The following POLB variants were observed in gnomAD, a reference collection of about 807,000 sequenced individuals.
POLB encodes DNA polymerase beta.
Under a neutral mutation model 52.7 loss-of-function variants are expected in POLB, and 37 were observed. The observed-to-expected ratio is 0.70, with a 90% CI of 0.54 to 0.92. The LOEUF (loss-of-function observed/expected upper bound fraction) is 0.92, where lower values mean the gene tolerates loss of function less well. POLB is among the 40% of genes least tolerant of loss of function. POLB has a pLI of 0.00. For missense variants in POLB, 313 were observed against 400.8 expected (o/e 0.78, Z 1.87); for synonymous variants, 138 against 131.3 (o/e 1.05, Z -0.35).
chr8:42,342,463 CTGTT>C lies in POLB; in HGVS notation c.120-2485_120-2482del, dbSNP rs1443247971. 3.6e-5 allele frequency: 43 copies of C among 1,202,152 alleles called. No individual in the cohort carries two copies. In the Middle Eastern group the frequency reaches 8.2e-4, roughly 23 times the overall value. The allele number at this position is 1,202,152 out of a possible 1,614,324, so 74.5% of individuals were successfully genotyped here. The stretch of plus-strand genomic sequence containing the variant: ...ATAAGCAATCTGACAATTGATATCT[CTGTT>C]TGTTATATGAACTATCATCCTCTAT... On this transcript the variant is annotated intron_variant, in intron 2 of 13. Coordinates refer to ENST00000265421, the MANE Select transcript of POLB (RefSeq NM_002690.3).
intron 2 of POLB, among the ~76,000 whole-genome samples, chr8:42,343,516 CAA>C (rs11405665): frequency 5.5e-5 from 8 of 144,598 alleles, no homozygotes; most frequent in Non-Finnish European, 1.1e-4. Flanking sequence ...GACTCCATCT[CAA>C]AAAAAAAGTA....
Position 42,344,973 on chromosome 8 carries a change from C to G in POLB, c.140C>G (p.Ala47Gly). ...NAYRKAASVI[A>G]KYPHKIKSGA... is the part of the protein sequence containing the mutation. ...TATAGAAAAGCAGCATCTGTTATAG[C>G]AAAATACCCACACAAAATAAAGAGT... Residue 47 changes from alanine to glycine, a missense_variant, in exon 3 of 14, where the codon GCA (alanine) becomes GGA (glycine). By Grantham distance (60) the Ala-to-Gly change is moderately conservative. Around this residue, in one of 3 missense-constraint regions of POLB, gnomAD observed 54 missense variants for 63.4 expected, o/e 0.85. Transcript: ENST00000265421. 1 of 1,606,140 alleles carries G rather than the reference C, an allele frequency of 6.2e-7. No homozygotes were observed. Among genetic ancestry groups the G allele is most frequent in the Non-Finnish European group, 8.5e-7 (1 of 1,172,884 alleles).
chr8:42,355,458 A>G lies in POLB; in HGVS notation c.371-58A>G, dbSNP rs1165150979. The G allele has an allele frequency of 9.4e-6, 9 of 956,146 alleles. No homozygotes were observed. In the East Asian group the frequency reaches 2.2e-4, roughly 23 times the overall value. The allele number at this position is 956,146 out of a possible 1,614,324, so 59.2% of individuals were successfully genotyped here. On this transcript the variant is annotated intron_variant, in intron 6 of 13. Coordinates refer to ENST00000265421, the MANE Select transcript of POLB (RefSeq NM_002690.3). ...TATAAAAAGGGTCATTGAGTTTAGC[A>G]TTTTCCCCCCAAAAAGCATTTAAAT...
chr8:42,362,809 T>C (rs1823785334), intron 11 of POLB, 111 bp downstream of exon 11: 3 of 622,742 alleles, frequency 4.8e-6, no homozygotes, highest in Non-Finnish European at 8.7e-6. Context: ...CCAAATAGAG[T>C]ATCCATGAGA....
chr8:42,366,647 G>GCTCTAAACCACCTGATATC (rs1221324683), intron 11 of POLB, among the ~76,000 whole-genome samples: 1 of 152,184 alleles, frequency 6.6e-6, no homozygotes, highest in East Asian at 1.9e-4. Context: ...AGACAGGTAA[G>GCTCTAAACCACCTGATATC]AGGTGGTTTG....
At chr8:42,365,837 C>T (rs1296090601) in intron 11 of POLB, among the ~76,000 whole-genome samples, 2 of 152,156 alleles carry the variant, frequency 1.3e-5, no homozygotes, top group South Asian at 2.1e-4. Flanking sequence ...TGGTGGCTCA[C>T]GCCTGTAATC....
At position 42,371,411 on chromosome 8, in the gene POLB, C is replaced by A. The variant is rs1824383672; in HGVS notation, c.914-152C>A. On this transcript the variant is annotated intron_variant, in intron 13 of 13. Coordinates refer to ENST00000265421, the MANE Select transcript of POLB (RefSeq NM_002690.3). ...TTGCTGGGATTACAGGCGTGAGCTA[C>A]CACATCCGCCGGTCTTTTTTTTTTT... 5 of 412,136 alleles carry A rather than the reference C, an allele frequency of 1.2e-5. No homozygotes were observed. In the Admixed American group the frequency reaches 2.0e-4, roughly 16 times the overall value. The allele number at this position is 412,136 out of a possible 1,614,324, so 25.5% of individuals were successfully genotyped here. A position where few individuals can be genotyped will look rare whatever the true frequency, so the allele number is the denominator to read the frequency against.
At chr8:42,359,915 A>G (rs1823569032) in intron 9 of POLB, among the ~76,000 whole-genome samples, 1 of 151,618 alleles carries the variant, frequency 6.6e-6, no homozygotes, top group South Asian at 2.1e-4. Context: ...AATAGTTTCC[A>G]TGGATGTCCA....
chr8:42,355,910 T>TA (rs1288805159), intron 7 of POLB, among the ~76,000 whole-genome samples: 2 of 152,160 alleles, frequency 1.3e-5, no homozygotes, highest in African/African-American at 4.8e-5. Context: ...AGGGTAAAGA[T>TA]ACAGAGAGGT....
intron 10 of POLB, among the ~76,000 whole-genome samples, chr8:42,362,097 C>G (rs532960857): frequency 6.6e-6 from 1 of 151,916 alleles, no homozygotes; most frequent in Non-Finnish European, 1.5e-5. Context: ...CCCGTCTCCA[C>G]TAAAAATACA....
chr8:42,361,537 C>G (rs1201629404), intron 10 of POLB, 172 bp downstream of exon 10: 2 of 599,442 alleles, frequency 3.3e-6, no homozygotes, highest in Non-Finnish European at 5.9e-6. Context: ...AAAAGGATAC[C>G]TATTATTCTT....
rs945340443 is a variant in POLB at position 42,344,947 on chromosome 8, T to C, written c.120-6T>C. ...AATTGGTTTTCCTTTTCTTCTTTCC[T>C]TATAGAAAAGCAGCATCTGTTATAG... On this transcript the variant is annotated splice_region_variant and splice_polypyrimidine_tract_variant and intron_variant, in intron 2 of 13. Transcript: ENST00000265421. 34 of 1,577,066 alleles carry C rather than the reference T, an allele frequency of 2.2e-5. No homozygotes were observed. The highest frequency in any genetic ancestry group is 2.7e-5 in the Non-Finnish European group (31 of 1,146,834).
At chr8:42,357,543 T>TTGTATTGTATAG in intron 9 of POLB, 151 bp downstream of exon 9, 7 of 516,894 alleles carry the variant, frequency 1.4e-5, no homozygotes, top group Non-Finnish European at 2.4e-5. Context: ...TGTTTATAGA[T>TTGTATTGTATAG]GGGAATATGT....
At chr8:42,357,457 G>C in intron 9 of POLB, 65 bp downstream of exon 9, 1 of 837,740 alleles carries the variant, frequency 1.2e-6, no homozygotes, top group Admixed American at 1.9e-5. Context: ...TATATGGGAA[G>C]AATTTGGATT....
At position 42,359,504 on chromosome 8, in the gene POLB, G is replaced by A. The variant is rs565430182; in HGVS notation, c.551-1791G>A. On this transcript the variant is annotated intron_variant, in intron 9 of 13. Coordinates refer to ENST00000265421, the MANE Select transcript of POLB (RefSeq NM_002690.3). ...AGAGTAGCTGGGACCACAGGCACGTGCCACCACACCCGGCTAATTTTTTTT... is the reference window on the plus strand; with the variant it reads ...AGAGTAGCTGGGACCACAGGCACGTACCACCACACCCGGCTAATTTTTTTT... Among the ~76,000 whole-genome samples, 7 of 149,638 alleles carry A rather than the reference G, an allele frequency of 4.7e-5. No homozygotes were observed. In the East Asian group the frequency reaches 9.8e-4, roughly 21 times the overall value.
intron 1 of POLB, 26 bp downstream of exon 1, chr8:42,338,711 G>T: frequency 6.2e-7 from 1 of 1,608,638 alleles, no homozygotes; most frequent in Non-Finnish European, 8.5e-7. Flanking sequence ...GGCCCCGCTG[G>T]CTTTCTTCTT....
intron 8 of POLB, 22 bp from the exon 9 acceptor site, chr8:42,357,294 TACTG>T: frequency 6.9e-7 from 1 of 1,446,480 alleles, no homozygotes; most frequent in South Asian, 1.2e-5. Flanking sequence ...ATTTTGGGAA[TACTG>T]ACTTAATTTT....
At chr8:42,340,038 A>G (rs1396327041) in intron 2 of POLB, 2 of 152,206 alleles carry the variant, frequency 1.3e-5, no homozygotes, top group African/African-American at 4.8e-5. Flanking sequence ...CATTTACTCA[A>G]GAAGTCCCAG....
chr8:42,371,592 A>G lies in POLB; in HGVS notation c.943A>G (p.Ser315Gly). The change falls in exon 14 of 14, where the codon AGT becomes GGT. Residue 315 changes from serine to glycine, a missense_variant. Ser to Gly is a moderately conservative substitution (Grantham distance 56, BLOSUM62 0). This residue lies in a region of POLB where 246 missense variants were observed against 297.6 expected (regional missense o/e 0.83). Coordinates refer to ENST00000265421, the MANE Select transcript of POLB (RefSeq NM_002690.3). ...TGCAGGAGAACCCCTGCCAGTGGAT[A>G]GTGAAAAAGACATCTTTGATTACAT... is the stretch of plus-strand genomic sequence containing the variant. Reference protein sequence around the residue: ...GVAGEPLPVDSEKDIFDYIQW... With the variant: ...GVAGEPLPVDGEKDIFDYIQW... 1.9e-6 allele frequency: 3 copies of G among 1,612,624 alleles called. No individual in the cohort carries two copies. The highest frequency in any genetic ancestry group is 2.5e-6 in the Non-Finnish European group (3 of 1,178,756).
Sources: gnomAD v4.1 joint callset for allele counts (sites outside exome capture counted in the v4.1 genomes callset) on GRCh38, gnomAD v4.1.1 for gene constraint, gnomAD v4.1.1 regional missense constraint, MANE v1.5 for transcripts, NCBI Gene and HGNC (gene_info 2026-07-23, HGNC 2026-07-21) for gene names.